TCF4: variants seen among roughly 807,000 people sequenced by gnomAD.
TCF4 encodes the protein transcription factor 4.
TCF4 carries 3 observed loss-of-function variants against 82.1 expected under a neutral mutation model. The observed-to-expected ratio is 0.04, with a 90% CI of 0.02 to 0.09. The LOEUF is 0.09. Ranked by LOEUF, TCF4 falls within the 10% of genes least tolerant of loss-of-function variation. TCF4 has a pLI of 1.00. For missense variants in TCF4, 518 were observed against 852.7 expected (o/e 0.61, Z 4.89); for synonymous variants, 276 against 309.6 (o/e 0.89, Z 1.14).
chr18:55,359,746 C>G (rs954324152), intron 6 of TCF4, among the ~76,000 whole-genome samples: 1 of 152,150 alleles, frequency 6.6e-6, no homozygotes. Flanking sequence ...AAAATTTGAT[C>G]CTTAATATGC....
chr18:55,632,036 G>GTT (rs2097732044), intron 1 of TCF4, among the ~76,000 whole-genome samples: 1 of 151,982 alleles, frequency 6.6e-6, no homozygotes, highest in African/African-American at 2.4e-5. Context: ...TGTTGTTGTT[G>GTT]TTTTTGTTTT....
chr18:55,400,741 A>G (rs995745533), intron 6 of TCF4: 1 of 246,012 alleles, frequency 4.1e-6, no homozygotes, highest in African/African-American at 2.2e-5. Flanking sequence ...ATAATAATGT[A>G]TTCCTCCAGG....
rs190227664 is a variant in TCF4 at position 55,503,279 on chromosome 18, C to T, written c.146-39142G>A. ...CTATCATCATGCATTCCTGAAAATT[C>T]GAAGTTAGAAAGCCGAAAATTCGAA... On this transcript the variant is annotated intron_variant, in intron 3 of 19. Transcript: ENST00000354452. Among the ~76,000 whole-genome samples, 1,345 of 152,186 alleles carry T rather than the reference C, an allele frequency of 8.8e-3. 6 individuals are homozygous for T. Among genetic ancestry groups the T allele is most frequent in the Non-Finnish European group, 0.013 (878 of 68,002 alleles).
intron 15 of TCF4, among the ~76,000 whole-genome samples, chr18:55,241,780 A>G (rs544197343): frequency 1.3e-5 from 2 of 152,286 alleles, no homozygotes; most frequent in South Asian, 4.1e-4. Context: ...CGAATGAACC[A>G]TTTCTTCCCC....
intron 2 of TCF4, among the ~76,000 whole-genome samples, chr18:55,628,043 G>A (rs1390554566): frequency 2.0e-5 from 3 of 152,300 alleles, no homozygotes; most frequent in African/African-American, 7.2e-5. Context: ...CTGTGCGACA[G>A]AGCGAGACTG....
At chr18:55,309,023 A>C (rs1405517596) in intron 8 of TCF4, among the ~76,000 whole-genome samples, 1 of 152,196 alleles carries the variant, frequency 6.6e-6, no homozygotes, top group African/African-American at 2.4e-5. Flanking sequence ...AGTAATTGAA[A>C]CTTGGCTAGT....
At chr18:55,324,713 G>T (rs1193733750) in intron 8 of TCF4, among the ~76,000 whole-genome samples, 1 of 151,940 alleles carries the variant, frequency 6.6e-6, no homozygotes, top group Non-Finnish European at 1.5e-5. Context: ...TGTTATCGCT[G>T]AAATGATGGG....
chr18:55,324,856 T>G (rs1317481590), intron 8 of TCF4, among the ~76,000 whole-genome samples: 1 of 152,166 alleles, frequency 6.6e-6, no homozygotes, highest in Non-Finnish European at 1.5e-5. Context: ...AAAAAAATTC[T>G]TACCAGCAAA....
At position 55,422,000 on chromosome 18, in the gene TCF4, A is replaced by G. The variant is rs527682731; in HGVS notation, c.305-18482T>C. Among the ~76,000 whole-genome samples the G allele has an allele frequency of 2.6e-5, 4 of 152,142 alleles. No homozygotes were observed. In the East Asian group the frequency reaches 7.7e-4, roughly 29 times the overall value. ...GAGTGTCTCCTAAAATTACATTTGA[A>G]GAACAACACTAAACCAGAAGTGTTG... is the stretch of plus-strand genomic sequence containing the variant. On this transcript the variant is annotated intron_variant, in intron 5 of 19. Transcript: ENST00000354452.
chr18:55,415,741 G>T (rs927099875), intron 5 of TCF4, among the ~76,000 whole-genome samples: 7 of 152,136 alleles, frequency 4.6e-5, no homozygotes, highest in Non-Finnish European at 8.8e-5. Flanking sequence ...CAGTTTTCAA[G>T]GCCACAGTAG....
chr18:55,297,047 T>C (rs558350880), intron 8 of TCF4, among the ~76,000 whole-genome samples: 1 of 152,064 alleles, frequency 6.6e-6, no homozygotes, highest in Admixed American at 6.5e-5. Context: ...GAGAGAAGCT[T>C]AATTCATATG....
intron 3 of TCF4, among the ~76,000 whole-genome samples, chr18:55,582,868 T>G (rs2097588956): frequency 6.6e-6 from 1 of 152,122 alleles, no homozygotes; most frequent in Admixed American, 6.6e-5. Context: ...GATATTAACT[T>G]GAGGTAAATT....
At chr18:55,429,872 A>C (rs1161021098) in intron 5 of TCF4, among the ~76,000 whole-genome samples, 1 of 148,700 alleles carries the variant, frequency 6.7e-6, no homozygotes, top group Non-Finnish European at 1.5e-5. Flanking sequence ...TCCACTATTT[A>C]GGTCTTGACA....
intron 1 of TCF4, among the ~76,000 whole-genome samples, chr18:55,587,602 GCACACA>G (rs1772334112): frequency 6.6e-6 from 1 of 150,676 alleles, no homozygotes; most frequent in South Asian, 2.1e-4. Context: ...ACTCGCACAC[GCACACA>G]CACTCGCACA....
In TCF4 at chr18:55,228,833, TG is replaced by T; in HGVS notation, c.1879+13del. 1 of 1,613,792 alleles carries T rather than the reference TG, an allele frequency of 6.2e-7. No homozygotes were observed. Among genetic ancestry groups the T allele is most frequent in the African/African-American group, 1.3e-5 (1 of 75,036 alleles). ...CTCCTCACGAGCTCTGCAAGGAGGC[TG>T]GCCTGCACTGACCTCGGACTTGCTG... On this transcript the variant is annotated intron_variant, in intron 18 of 19. Transcript: ENST00000354452.
At chr18:55,239,462 C>A (rs996007599) in intron 15 of TCF4, among the ~76,000 whole-genome samples, 1 of 152,044 alleles carries the variant, frequency 6.6e-6, no homozygotes, top group Non-Finnish European at 1.5e-5. Context: ...AGTTAGGGGG[C>A]AAGATGCGTT....
chr18:55,492,986 C>A (rs1378263435), intron 3 of TCF4, among the ~76,000 whole-genome samples: 3 of 152,146 alleles, frequency 2.0e-5, no homozygotes, highest in Non-Finnish European at 1.5e-5. Flanking sequence ...GGAGAATGGA[C>A]AAAAGCCATC....
intron 3 of TCF4, among the ~76,000 whole-genome samples, chr18:55,481,476 A>G (rs1436696669): frequency 6.6e-6 from 1 of 152,232 alleles, no homozygotes; most frequent in Non-Finnish European, 1.5e-5. Context: ...AGGCCTCACA[A>G]TGGTAACTGA....
intron 5 of TCF4, among the ~76,000 whole-genome samples, chr18:55,433,839 C>T (rs1269757247): frequency 6.6e-6 from 1 of 152,074 alleles, no homozygotes; most frequent in Non-Finnish European, 1.5e-5. Context: ...CTCTCTGCAC[C>T]TTTCTCCCTG....
Sources: gnomAD v4.1 joint callset for allele counts (sites outside exome capture counted in the v4.1 genomes callset) on GRCh38, gnomAD v4.1.1 for gene constraint, MANE v1.5 for transcripts, NCBI Gene and HGNC (gene_info 2026-07-23, HGNC 2026-07-21) for gene names.